VOPP1: variants seen among roughly 807,000 people sequenced by gnomAD.
VOPP1 encodes the protein WW domain binding protein VOPP1.
A neutral mutation model predicts 23.5 loss-of-function variants in VOPP1; 8 were observed. That is an observed-to-expected ratio of 0.34 (90% CI 0.20 to 0.61). VOPP1 has a LOEUF of 0.61. Ranked by LOEUF, VOPP1 falls within the 20% of genes least tolerant of loss-of-function variation. VOPP1 has a pLI of 0.78. For missense variants in VOPP1, 174 were observed against 238.1 expected, an observed-to-expected ratio of 0.73 and a Z score of 1.77; for synonymous variants, 83 against 97.3, an observed-to-expected ratio of 0.85 and a Z score of 0.86.
intron 1 of VOPP1, among the ~76,000 whole-genome samples, chr7:55,537,073 G>A (rs1055567147): frequency 2.0e-5 from 3 of 152,144 alleles, no homozygotes; most frequent in East Asian, 1.9e-4. Flanking sequence ...GACGAGAAAC[G>A]CAATGCAGAT....
chr7:55,559,789 G>GCA (rs1797923939), intron 1 of VOPP1, among the ~76,000 whole-genome samples: 1 of 152,114 alleles, frequency 6.6e-6, no homozygotes, highest in East Asian at 1.9e-4. Context: ...AGTGGAACCG[G>GCA]CAAGTTCTCA....
At chr7:55,503,415 T>C (rs565223739) in intron 2 of VOPP1, among the ~76,000 whole-genome samples, 25 of 152,302 alleles carry the variant, frequency 1.6e-4, no homozygotes, top group Non-Finnish European at 2.6e-4. Context: ...ATTTAATTCT[T>C]AGCCTTTGGG....
chr7:55,435,351 CGG>C (rs1367432993), downstream of VOPP1, among the ~76,000 whole-genome samples: 4 of 152,142 alleles, frequency 2.6e-5, no homozygotes, highest in Admixed American at 2.6e-4. Flanking sequence ...AGCATGGAGC[CGG>C]GGGTGCTGTG....
chr7:55,464,346 G>A (rs755204102), intron 4 of VOPP1, among the ~76,000 whole-genome samples: 1 of 152,184 alleles, frequency 6.6e-6, no homozygotes, highest in Non-Finnish European at 1.5e-5. Context: ...CCCCTTTATG[G>A]CATGCTTGGG....
At chr7:55,528,754 A>G (rs1796328636) in intron 1 of VOPP1, among the ~76,000 whole-genome samples, 1 of 152,134 alleles carries the variant, frequency 6.6e-6, no homozygotes, top group African/African-American at 2.4e-5. Context: ...TTCTCCAGCT[A>G]GGAATGAAAT....
intron 3 of VOPP1, among the ~76,000 whole-genome samples, chr7:55,494,457 G>T (rs1453155493): frequency 6.6e-6 from 1 of 152,106 alleles, no homozygotes; most frequent in Non-Finnish European, 1.5e-5. Flanking sequence ...CGGTTCCACT[G>T]CCAACAGTAG....
chr7:55,436,183 A>C (rs902834707), intron 4 of VOPP1: 14 of 152,252 alleles, frequency 9.2e-5, no homozygotes, highest in African/African-American at 3.4e-4. Context: ...GTCTACAAAG[A>C]AAGTAATAAA....
rs554800235 is a variant in VOPP1 at position 55,490,352 on chromosome 7, G to A, written c.328+1930C>T. 7.9e-5 allele frequency among the ~76,000 whole-genome samples: 12 copies of A among 152,206 alleles called. No homozygotes were observed. The South Asian group carries it at 1.4e-3, about 18-fold the overall frequency. ...GATGGAGCGGGGTTAGGTGGGGTGT[G>A]GGGCTGTGCAGAACAGAGGGATGGG... On this transcript the variant is annotated intron_variant, in intron 4 of 4. Coordinates refer to ENST00000285279, the MANE Select transcript of VOPP1 (RefSeq NM_030796.5).
At chr7:55,463,355 CTTA>C (rs1245176752) in intron 4 of VOPP1, among the ~76,000 whole-genome samples, 1 of 152,118 alleles carries the variant, frequency 6.6e-6, no homozygotes, top group Non-Finnish European at 1.5e-5. Context: ...TTTCATGTTT[CTTA>C]TATCCTTACA....
intron 4 of VOPP1, among the ~76,000 whole-genome samples, chr7:55,465,450 T>C (rs779992903): frequency 4.6e-5 from 7 of 152,190 alleles, no homozygotes; most frequent in Non-Finnish European, 8.8e-5. Context: ...ATGATCGTAG[T>C]CTGAAAGATG....
intron 1 of VOPP1, among the ~76,000 whole-genome samples, chr7:55,549,741 G>A (rs796558488): frequency 1.3e-4 from 20 of 152,256 alleles, no homozygotes; most frequent in African/African-American, 4.3e-4. Context: ...CAAACAGTAC[G>A]TTCTAGGCAC....
intron 3 of VOPP1, among the ~76,000 whole-genome samples, chr7:55,494,865 A>G (rs1467263527): frequency 6.6e-6 from 1 of 152,158 alleles, no homozygotes; most frequent in East Asian, 1.9e-4. Context: ...GAGGAGTAGT[A>G]GTAAGAAAGG....
chr7:55,520,822 T>A (rs1023661605), intron 2 of VOPP1, among the ~76,000 whole-genome samples: 3 of 152,008 alleles, frequency 2.0e-5, no homozygotes, highest in Admixed American at 1.3e-4. Context: ...CTTTAAACCC[T>A]CACATGTGAG....
chr7:55,509,149 G>A (rs1794915139), intron 2 of VOPP1, among the ~76,000 whole-genome samples: 1 of 152,174 alleles, frequency 6.6e-6, no homozygotes, highest in Admixed American at 6.5e-5. Context: ...AGATCAGGAA[G>A]GGAGATGAGA....
At chr7:55,479,981 C>A (rs916048297) in intron 4 of VOPP1, among the ~76,000 whole-genome samples, 1 of 152,294 alleles carries the variant, frequency 6.6e-6, no homozygotes, top group South Asian at 2.1e-4. Context: ...ATGTTAATTG[C>A]GTGCCTAAAA....
At chr7:55,549,564 G>C (rs993155887) in intron 1 of VOPP1, among the ~76,000 whole-genome samples, 2 of 152,168 alleles carry the variant, frequency 1.3e-5, no homozygotes, top group Admixed American at 1.3e-4. Flanking sequence ...TCCACATTCA[G>C]CCATCTGCTG....
chr7:55,558,515 G>A (rs937775261), intron 1 of VOPP1, among the ~76,000 whole-genome samples: 3 of 152,086 alleles, frequency 2.0e-5, no homozygotes, highest in African/African-American at 7.2e-5. Flanking sequence ...ACCTGCAGGG[G>A]TGACAGATGA....
intron 1 of VOPP1, among the ~76,000 whole-genome samples, chr7:55,528,662 G>A (rs1034144762): frequency 1.3e-5 from 2 of 151,526 alleles, no homozygotes; most frequent in African/African-American, 4.9e-5. Context: ...CTCCGGCCTG[G>A]GCAACAGAGC....
At chr7:55,556,722 T>C (rs1008290209) in intron 1 of VOPP1, among the ~76,000 whole-genome samples, 2 of 151,996 alleles carry the variant, frequency 1.3e-5, no homozygotes, top group Admixed American at 1.3e-4. Flanking sequence ...TCTCAGATTA[T>C]AGATAACTCA....
Sources: gnomAD v4.1 joint callset for allele counts (sites outside exome capture counted in the v4.1 genomes callset) on GRCh38, gnomAD v4.1.1 for gene constraint, MANE v1.5 for transcripts, NCBI Gene and HGNC (gene_info 2026-07-23, HGNC 2026-07-21) for gene names.